TACR3: variants seen among roughly 807,000 people sequenced by gnomAD.
The protein encoded by TACR3 is neuromedin-K receptor.
A neutral mutation model predicts 35.0 loss-of-function variants in TACR3; 34 were observed. That is an observed-to-expected ratio of 0.97 (90% confidence interval 0.74 to 1.30). The LOEUF (loss-of-function observed/expected upper bound fraction) is 1.30, where lower values mean the gene tolerates loss of function less well. Among genes scored for constraint, TACR3 ranks in the 50% most tolerant of loss-of-function variants. The pLI is 0.00. For missense variants in TACR3, 558 were observed against 591.7 expected (o/e 0.94, Z 0.59); for synonymous variants, 233 against 221.1 (o/e 1.05, Z -0.48).
At chr4:103,600,263 C>A (rs963154707) in intron 3 of TACR3, among the ~76,000 whole-genome samples, 1 of 152,172 alleles carries the variant, frequency 6.6e-6, no homozygotes, top group Admixed American at 6.5e-5. Context: ...ATAGTATCCT[C>A]TGATGGTAGT....
In TACR3 at chr4:103,591,602, T is replaced by G. The variant is rs200159912; in HGVS notation, c.970A>C (p.Ile324Leu). The change falls in exon 4 of 5, where the codon ATC becomes CTC. Residue 324 changes from isoleucine (I) to leucine (L), a missense_variant. By Grantham distance (5) the Ile-to-Leu change is conservative. Coordinates refer to ENST00000304883, the MANE Select transcript of TACR3 (RefSeq NM_001059.3). ...PYHIYFILTA[I>L]YQQLNRWKYI... ...TTCCATCTATTTAGTTGTTGATAGA[T>G]TGCAGTGAGAATGAAGTAAATATGA... The G allele has an allele frequency of 6.2e-7, 1 of 1,613,856 alleles. No homozygotes were observed. The highest frequency in any genetic ancestry group is 2.2e-5 in the East Asian group (1 of 44,848).
chr4:103,648,245 C>T (rs951834037), intron 3 of TACR3, among the ~76,000 whole-genome samples: 7 of 152,002 alleles, frequency 4.6e-5, no homozygotes, highest in African/African-American at 9.6e-5. Context: ...CAGGATAATG[C>T]GGTATCCATC....
intron 3 of TACR3, among the ~76,000 whole-genome samples, chr4:103,634,745 CAG>C (rs1725141392): frequency 6.6e-6 from 1 of 152,054 alleles, no homozygotes; most frequent in South Asian, 2.1e-4. Context: ...AATCTTAAAA[CAG>C]AACTTTTTCA....
At chr4:103,608,835 C>T (rs960414890) in intron 3 of TACR3, among the ~76,000 whole-genome samples, 3 of 152,006 alleles carry the variant, frequency 2.0e-5, no homozygotes, top group Non-Finnish European at 2.9e-5. Flanking sequence ...AAGTAAGTTA[C>T]ATGGTCAGAA....
intron 1 of TACR3, 21 bp downstream of exon 1, chr4:103,719,107 C>T (rs757438818): frequency 1.9e-6 from 3 of 1,614,132 alleles, no homozygotes; most frequent in Middle Eastern, 1.6e-4. Context: ...CCTCTTTCCT[C>T]TCTGTCTGTC....
intron 1 of TACR3, among the ~76,000 whole-genome samples, chr4:103,667,540 C>T (rs1041989447): frequency 3.3e-5 from 5 of 152,016 alleles, no homozygotes; most frequent in South Asian, 2.1e-4. Context: ...ATGGATACTC[C>T]AATAACTCTG....
intron 3 of TACR3, 51 bp from the exon 4 acceptor site, chr4:103,591,734 C>G: frequency 6.6e-7 from 1 of 1,507,492 alleles, no homozygotes; most frequent in Non-Finnish European, 9.0e-7. Context: ...ATAATAGTTC[C>G]AATAGCTTAT....
chr4:103,622,836 A>G (rs1724812825), intron 3 of TACR3, among the ~76,000 whole-genome samples: 1 of 152,200 alleles, frequency 6.6e-6, no homozygotes, highest in South Asian at 2.1e-4. Flanking sequence ...GCTCAGTAGC[A>G]AGCAGCTATC....
At chr4:103,599,715 T>C (rs924372935) in intron 3 of TACR3, among the ~76,000 whole-genome samples, 4 of 152,058 alleles carry the variant, frequency 2.6e-5, no homozygotes, top group Non-Finnish European at 5.9e-5. Context: ...GAGATAGTCA[T>C]GTGCTTTTTG....
chr4:103,599,668 C>A (rs997622607), intron 3 of TACR3, among the ~76,000 whole-genome samples: 1 of 152,080 alleles, frequency 6.6e-6, no homozygotes, highest in African/African-American at 2.4e-5. Flanking sequence ...GCATGAAGTG[C>A]TGTTGAATTT....
At chr4:103,704,543 A>G (rs1038173681) in intron 1 of TACR3, among the ~76,000 whole-genome samples, 7 of 152,198 alleles carry the variant, frequency 4.6e-5, no homozygotes, top group African/African-American at 1.7e-4. Flanking sequence ...GTGGCAGGTG[A>G]GACAGAGCAA....
At chr4:103,597,328 T>C (rs1414006703) in intron 3 of TACR3, among the ~76,000 whole-genome samples, 1 of 152,156 alleles carries the variant, frequency 6.6e-6, no homozygotes, top group East Asian at 1.9e-4. Flanking sequence ...ATTGTGGTTT[T>C]GGTTTGCATT....
intron 3 of TACR3, among the ~76,000 whole-genome samples, chr4:103,644,033 CA>C (rs200827152): frequency 2.7e-5 from 4 of 149,926 alleles, no homozygotes; most frequent in South Asian, 2.1e-4. Context: ...TGGAAAACCA[CA>C]AAAAAAAATA....
In TACR3 at chr4:103,697,398, A is replaced by G. The variant is rs199600606; in HGVS notation, c.548+21730T>C. ...GGGCACTTGTGTTATTTATTTATTT[A>G]TTTGTTTATTTATTTATTTATTTAT... is the stretch of plus-strand genomic sequence containing the variant. On this transcript the variant is annotated intron_variant, in intron 1 of 4. Transcript: ENST00000304883. Among the ~76,000 whole-genome samples the G allele has an allele frequency of 8.7e-4, 110 of 126,952 alleles. 1 individual carries two copies. The highest frequency in any genetic ancestry group is 4.2e-3 in the East Asian group (18 of 4,332). 83.3% of individuals were successfully genotyped at this position (126,952 alleles called of 152,430 possible).
At chr4:103,611,343 C>T (rs188314409) in intron 3 of TACR3, among the ~76,000 whole-genome samples, 88 of 152,204 alleles carry the variant, frequency 5.8e-4, no homozygotes, top group African/African-American at 1.8e-3. Context: ...TCCATCTCCT[C>T]GGTTAAGTTT....
At chr4:103,626,576 C>G (rs985206821) in intron 3 of TACR3, among the ~76,000 whole-genome samples, 2 of 152,058 alleles carry the variant, frequency 1.3e-5, no homozygotes, top group African/African-American at 4.8e-5. Flanking sequence ...GTAGTCCTTG[C>G]TATTCATCAT....
chr4:103,683,470 C>CAAAAAAAAAAAAAAAAAA (rs57761679), intron 1 of TACR3, among the ~76,000 whole-genome samples: 19 of 21,142 alleles, frequency 9.0e-4, no homozygotes, highest in East Asian at 1.8e-3. Context: ...AAAGACTGAC[C>CAAAAAAAAAAAAAAAAAA]AAAAAAAAAA....
chr4:103,650,740 TA>T (rs1725588658), intron 3 of TACR3, among the ~76,000 whole-genome samples: 2 of 88,502 alleles, frequency 2.3e-5, no homozygotes, highest in African/African-American at 1.0e-4. Context: ...TATTATATCA[TA>T]TATAATATAT....
Position 103,656,217 on chromosome 4 carries a change from C to G in TACR3, c.865G>C (p.Glu289Gln). The G allele has an allele frequency of 6.2e-7, 1 of 1,612,972 alleles. No homozygotes were observed. Among genetic ancestry groups the G allele is most frequent in the South Asian group, 1.1e-5 (1 of 91,052 alleles). The change falls in exon 3 of 5, where the codon GAG becomes CAG. Residue 289 changes from glutamate to glutamine, a missense_variant. Coordinates refer to ENST00000304883, the MANE Select transcript of TACR3 (RefSeq NM_001059.3). ...ACCTTTCTTTTGGCCTTTAGCTGCT[C>G]ATGATACTTGTCACAGGTATCTCCT... is the stretch of plus-strand genomic sequence containing the variant. ...IPGDTCDKYH[E>Q]QLKAKRKVVK...
Sources: gnomAD v4.1 joint callset for allele counts (sites outside exome capture counted in the v4.1 genomes callset) on GRCh38, gnomAD v4.1.1 for gene constraint, MANE v1.5 for transcripts, NCBI Gene and HGNC (gene_info 2026-07-23, HGNC 2026-07-21) for gene names.